Variants in UBAC2 observed in about 807,000 individuals in gnomAD.
The protein encoded by UBAC2 is ubiquitin-associated domain-containing protein 2.
UBAC2 carries 26 observed loss-of-function variants against 44.0 expected under a neutral mutation model. The ratio of observed to expected loss-of-function variants is 0.59; its 90% confidence interval spans 0.43 to 0.82. The LOEUF (loss-of-function observed/expected upper bound fraction) is 0.82. UBAC2 is among the 40% of genes least tolerant of loss of function. The probability of loss-of-function intolerance (pLI) is 0.00; values close to 1 mark genes in which losing one functional copy is unlikely to be tolerated. For synonymous variants in UBAC2, 155 were observed against 154.3 expected (o/e 1.00, Z -0.04); for missense variants, 329 against 419.4 (o/e 0.78, Z 1.88).
At chr13:99,232,394 T>TGAGA (rs1239741483) in intron 1 of UBAC2, among the ~76,000 whole-genome samples, 3 of 55,856 alleles carry the variant, frequency 5.4e-5, no homozygotes, top group Non-Finnish European at 1.8e-4. Context: ...CATCCTTAGT[T>TGAGA]GAGAGATATA....
At chr13:99,356,570 G>A (rs893476442) in intron 7 of UBAC2, among the ~76,000 whole-genome samples, 2 of 152,180 alleles carry the variant, frequency 1.3e-5, no homozygotes, top group African/African-American at 4.8e-5. Context: ...AAGTGAAACC[G>A]AGAGCTGCAA....
At chr13:99,274,860 G>C (rs1373201502) in intron 4 of UBAC2, among the ~76,000 whole-genome samples, 2 of 151,828 alleles carry the variant, frequency 1.3e-5, no homozygotes, top group Non-Finnish European at 2.9e-5. Context: ...TGGGATTACA[G>C]GTGCGCACCA....
intron 4 of UBAC2, among the ~76,000 whole-genome samples, chr13:99,269,554 A>G (rs556653667): frequency 6.6e-6 from 1 of 152,350 alleles, no homozygotes; most frequent in South Asian, 2.1e-4. Context: ...GTACTTCCAG[A>G]AAGTCTTTAT....
intron 8 of UBAC2, among the ~76,000 whole-genome samples, chr13:99,378,825 T>A (rs758932436): frequency 6.6e-6 from 1 of 152,256 alleles, no homozygotes; most frequent in Non-Finnish European, 1.5e-5. Context: ...ATTCATTTGT[T>A]GCTAGCATGT....
chr13:99,359,643 G>A (rs1371629653), intron 7 of UBAC2, among the ~76,000 whole-genome samples: 2 of 152,218 alleles, frequency 1.3e-5, no homozygotes, highest in African/African-American at 4.8e-5. Flanking sequence ...AAGCCACTGG[G>A]CCAGCTGTAA....
At chr13:99,371,620 A>G (rs188315261) in intron 8 of UBAC2, among the ~76,000 whole-genome samples, 1 of 152,376 alleles carries the variant, frequency 6.6e-6, no homozygotes, top group African/African-American at 2.4e-5. Context: ...TTGAATTAAC[A>G]AAAGCTTTTT....
intron 6 of UBAC2, among the ~76,000 whole-genome samples, chr13:99,328,890 TA>T (rs1285414057): frequency 6.6e-6 from 1 of 152,248 alleles, no homozygotes; most frequent in African/African-American, 2.4e-5. Context: ...AAATCTTTGC[TA>T]ATCCAATGTC....
At chr13:99,328,986 T>G (rs1202795016) in intron 6 of UBAC2, among the ~76,000 whole-genome samples, 2 of 152,242 alleles carry the variant, frequency 1.3e-5, no homozygotes, top group African/African-American at 2.4e-5. Context: ...TGAGTATAAT[T>G]CTTTTGAGGT....
chr13:99,321,263 T>C (rs1461636906), intron 6 of UBAC2, among the ~76,000 whole-genome samples: 2 of 152,232 alleles, frequency 1.3e-5, no homozygotes, highest in East Asian at 1.9e-4. Flanking sequence ...CAACTTTGGA[T>C]TGAGCTTATT....
chr13:99,275,795 A>G (rs2043873710), intron 4 of UBAC2, among the ~76,000 whole-genome samples: 1 of 152,056 alleles, frequency 6.6e-6, no homozygotes, highest in Non-Finnish European at 1.5e-5. Flanking sequence ...AGCTTTTTAA[A>G]AGCTGATTGG....
At chr13:99,206,632 G>C (rs984086064) in intron 1 of UBAC2, among the ~76,000 whole-genome samples, 1 of 152,130 alleles carries the variant, frequency 6.6e-6, no homozygotes. Flanking sequence ...TGGCACGTCT[G>C]TTCTGTGGTG....
chr13:99,290,612 C>A (rs753035824), intron 4 of UBAC2, among the ~76,000 whole-genome samples: 1 of 151,756 alleles, frequency 6.6e-6, no homozygotes, highest in African/African-American at 2.4e-5. Flanking sequence ...GTAATCCCAG[C>A]TGCTCAGGAG....
intron 4 of UBAC2, among the ~76,000 whole-genome samples, chr13:99,250,141 G>A (rs1380145492): frequency 6.6e-6 from 1 of 152,098 alleles, no homozygotes. Context: ...CCCCAAGGCC[G>A]ATGTCCAGAA....
intron 8 of UBAC2, among the ~76,000 whole-genome samples, chr13:99,378,593 A>G (rs1214804771): frequency 3.3e-5 from 5 of 152,344 alleles, no homozygotes; most frequent in Admixed American, 2.0e-4. Context: ...ACTCGAAGGT[A>G]TATTTTTTAC....
intron 4 of UBAC2, among the ~76,000 whole-genome samples, chr13:99,267,333 A>G (rs1365013345): frequency 1.3e-5 from 2 of 151,736 alleles, no homozygotes; most frequent in Non-Finnish European, 2.9e-5. Context: ...TTCTTTGTTG[A>G]TTGTGTCCTT....
chr13:99,377,591 A>T (rs1303082472), intron 8 of UBAC2: 2 of 152,212 alleles, frequency 1.3e-5, no homozygotes, highest in African/African-American at 2.4e-5. Flanking sequence ...TTATATAGTC[A>T]TCAGAGTTGT....
chr13:99,297,981 A>G lies in UBAC2; in HGVS notation c.390-16116A>G, dbSNP rs75556235. Among the ~76,000 whole-genome samples, 56 of 152,244 alleles carry G rather than the reference A, an allele frequency of 3.7e-4. 2 individuals are homozygous for G. The East Asian group carries it at 0.011, about 29-fold the overall frequency. On this transcript the variant is annotated intron_variant, in intron 4 of 8. Transcript: ENST00000403766. ...AAATAGAATTCAAGGCAAATTCAAT[A>G]TTAATAGGAATACAGAGGGTCACTG...
At chr13:99,219,604 T>C (rs1465147800) in intron 1 of UBAC2, among the ~76,000 whole-genome samples, 4 of 152,202 alleles carry the variant, frequency 2.6e-5, no homozygotes, top group Non-Finnish European at 5.9e-5. Context: ...TTTAAGCTTA[T>C]CAACTATTGT....
intron 5 of UBAC2, among the ~76,000 whole-genome samples, chr13:99,315,173 C>G (rs748044947): frequency 1.1e-4 from 16 of 152,168 alleles, no homozygotes; most frequent in Non-Finnish European, 2.2e-4. Context: ...TTTTTATTCT[C>G]CATCTCTCAA....
Sources: gnomAD v4.1 joint callset for allele counts (sites outside exome capture counted in the v4.1 genomes callset) on GRCh38, gnomAD v4.1.1 for gene constraint, MANE v1.5 for transcripts, NCBI Gene and HGNC (gene_info 2026-07-23, HGNC 2026-07-21) for gene names.